SLC44A5: variants seen among roughly 807,000 people sequenced by gnomAD.
SLC44A5 encodes the protein solute carrier family 44 member 5.
A neutral mutation model predicts 101.8 loss-of-function variants in SLC44A5; 57 were observed. The observed-to-expected ratio is 0.56, with a 90% CI of 0.45 to 0.70. The LOEUF is 0.70. SLC44A5 is among the 30% of genes least tolerant of loss of function. The pLI is 0.00. For missense variants in SLC44A5, 737 were observed against 853.1 expected (o/e 0.86, Z 1.70); for synonymous variants, 281 against 290.9 (o/e 0.97, Z 0.35).
rs184296376 is a variant in SLC44A5 at position 75,298,024 on chromosome 1, T to C, written c.175+2588A>G. On this transcript the variant is annotated intron_variant, in intron 5 of 23. Coordinates refer to ENST00000370859, the MANE Select transcript of SLC44A5 (RefSeq NM_001130058.2). ...GAAACACTTCTTTATGAAAAGATCA[T>C]GGATGAAAGATAAGTCTACAAAGGC... is the stretch of plus-strand genomic sequence containing the variant. Among the ~76,000 whole-genome samples, 11 of 152,342 alleles carry C rather than the reference T, an allele frequency of 7.2e-5. No homozygotes were observed. The East Asian group carries it at 2.1e-3, about 29-fold the overall frequency.
At chr1:75,656,619 T>C in the SLC44A5 span, among the ~76,000 whole-genome samples, 1 of 152,156 alleles carries the variant, frequency 6.6e-6, no homozygotes, top group Non-Finnish European at 1.5e-5. Context: ...CTAATAACTA[T>C]AAGATTTTTT....
At chr1:75,258,712 C>A (rs1650232734) in intron 6 of SLC44A5, among the ~76,000 whole-genome samples, 1 of 152,248 alleles carries the variant, frequency 6.6e-6, no homozygotes, top group Middle Eastern at 3.4e-3. Context: ...GGGTCCCTGA[C>A]CCCTGGGTAT....
At chr1:75,652,203 C>A in the SLC44A5 span, among the ~76,000 whole-genome samples, 5 of 152,060 alleles carry the variant, frequency 3.3e-5, no homozygotes, top group African/African-American at 1.2e-4. Context: ...GACAGCTCAC[C>A]CCAAGGGAAG....
intron 2 of SLC44A5, among the ~76,000 whole-genome samples, chr1:75,412,348 A>G (rs959193543): frequency 2.0e-5 from 3 of 152,168 alleles, no homozygotes; most frequent in Non-Finnish European, 4.4e-5. Context: ...AGGAGGAACA[A>G]TTTGTGACCA....
the SLC44A5 span, among the ~76,000 whole-genome samples, chr1:75,629,308 A>G: frequency 6.6e-6 from 1 of 152,186 alleles, no homozygotes; most frequent in African/African-American, 2.4e-5. Flanking sequence ...CAAGCTAATG[A>G]CATTGAAATA....
the SLC44A5 span, among the ~76,000 whole-genome samples, chr1:75,675,198 T>G: frequency 2.0e-5 from 3 of 152,256 alleles, no homozygotes; most frequent in Non-Finnish European, 4.4e-5. Context: ...TAAATTATTT[T>G]GGGCAGTATG....
the SLC44A5 span, among the ~76,000 whole-genome samples, chr1:75,707,522 C>T: frequency 6.6e-6 from 1 of 152,318 alleles, no homozygotes; most frequent in Non-Finnish European, 1.5e-5. Flanking sequence ...TATAGAACAG[C>T]TGCCTTCAGC....
chr1:75,390,822 T>C (rs1661736187), intron 3 of SLC44A5, among the ~76,000 whole-genome samples: 1 of 152,156 alleles, frequency 6.6e-6, no homozygotes, highest in African/African-American at 2.4e-5. Flanking sequence ...CTATTCAGTA[T>C]AGTACTGGAA....
In SLC44A5 at chr1:75,300,014, C is replaced by CAAAAAAAAAAAAAAAAAAA. The variant is rs35608663; in HGVS notation, c.175+579_175+597dup. Among the ~76,000 whole-genome samples, 4 of 93,778 alleles carry CAAAAAAAAAAAAAAAAAAA rather than the reference C, an allele frequency of 4.3e-5. 1 individual carries two copies. The highest frequency in any genetic ancestry group is 2.2e-4 in the African/African-American group (4 of 18,546). 61.5% of individuals were successfully genotyped at this position (93,778 alleles called of 152,430 possible). On this transcript the variant is annotated intron_variant, in intron 5 of 23. Coordinates refer to ENST00000370859, the MANE Select transcript of SLC44A5 (RefSeq NM_001130058.2). ...CTGGGAACACAGTGAGACTCTGTCT[C>CAAAAAAAAAAAAAAAAAAA]AAAAAAAAAAAAAAAAAAAAAAAAA...
intron 2 of SLC44A5, chr1:75,538,000 A>C (rs1323128321): frequency 6.6e-6 from 1 of 152,224 alleles, no homozygotes; most frequent in Non-Finnish European, 1.5e-5. Context: ...CAAAGAAAGA[A>C]GTAATTAACT....
chr1:75,581,711 C>G (rs1448618728), intron 1 of SLC44A5, among the ~76,000 whole-genome samples: 1 of 152,148 alleles, frequency 6.6e-6, no homozygotes, highest in Admixed American at 6.5e-5. Context: ...GCTGTAGATC[C>G]TTCATGAATG....
intron 6 of SLC44A5, among the ~76,000 whole-genome samples, chr1:75,263,405 CAAAT>C (rs1238272002): frequency 6.6e-6 from 1 of 151,962 alleles, no homozygotes; most frequent in Non-Finnish European, 1.5e-5. Flanking sequence ...GGTCATTAGA[CAAAT>C]AAAATCAAAA....
chr1:75,476,950 T>C (rs529575515), intron 2 of SLC44A5, among the ~76,000 whole-genome samples: 11 of 152,332 alleles, frequency 7.2e-5, no homozygotes, highest in African/African-American at 2.6e-4. Context: ...GACTGTCTCC[T>C]CAAGTGGGTC....
At chr1:75,511,301 T>A (rs935408229) in intron 2 of SLC44A5, among the ~76,000 whole-genome samples, 30 of 152,216 alleles carry the variant, frequency 2.0e-4, no homozygotes, top group African/African-American at 7.2e-4. Flanking sequence ...CATTACTTTC[T>A]GAACTTTTCA....
At chr1:75,513,539 A>C (rs1669672419) in intron 2 of SLC44A5, among the ~76,000 whole-genome samples, 1 of 152,176 alleles carries the variant, frequency 6.6e-6, no homozygotes, top group African/African-American at 2.4e-5. Flanking sequence ...ACTAAATTTG[A>C]AGCTTATCTC....
At chr1:75,211,135 C>A (rs1444965632) in intron 23 of SLC44A5, among the ~76,000 whole-genome samples, 1 of 152,146 alleles carries the variant, frequency 6.6e-6, no homozygotes, top group Non-Finnish European at 1.5e-5. Context: ...TCCTGCATAA[C>A]TGAAAGTTTG....
intron 3 of SLC44A5, among the ~76,000 whole-genome samples, chr1:75,365,359 C>A (rs1659782257): frequency 6.6e-6 from 1 of 152,062 alleles, no homozygotes; most frequent in Non-Finnish European, 1.5e-5. Context: ...GTATATTGTT[C>A]TCCTCTATGT....
intron 4 of SLC44A5, among the ~76,000 whole-genome samples, chr1:75,333,150 AT>A (rs1430897807): frequency 6.6e-6 from 1 of 152,226 alleles, no homozygotes; most frequent in Non-Finnish European, 1.5e-5. Context: ...ATAGTTTGGA[AT>A]AAAAAACCTA....
intron 2 of SLC44A5, among the ~76,000 whole-genome samples, chr1:75,407,900 A>C (rs1270808205): frequency 6.6e-6 from 1 of 152,246 alleles, no homozygotes; most frequent in Non-Finnish European, 1.5e-5. Flanking sequence ...ACAGCAAAAG[A>C]AACTATCATC....
Sources: gnomAD v4.1 joint callset for allele counts (sites outside exome capture counted in the v4.1 genomes callset) on GRCh38, gnomAD v4.1.1 for gene constraint, MANE v1.5 for transcripts, NCBI Gene and HGNC (gene_info 2026-07-23, HGNC 2026-07-21) for gene names.